DBNL: variants seen among roughly 807,000 people sequenced by gnomAD.
DBNL encodes the protein drebrin-like protein.
DBNL carries 35 observed loss-of-function variants against 62.2 expected under a neutral mutation model. The observed-to-expected ratio is 0.56, with a 90% CI of 0.43 to 0.75. DBNL has a LOEUF of 0.75. Ranked by LOEUF, DBNL falls within the 30% of genes least tolerant of loss-of-function variation. The pLI is 0.00. For synonymous variants in DBNL, 197 were observed against 218.0 expected (o/e 0.90, Z 0.85); for missense variants, 495 against 578.4 (o/e 0.86, Z 1.48).
rs138954968 is a variant in DBNL, at chr7:44,064,942, C to T, written c.*4026C>T. 21 of 1,609,662 alleles carry T rather than the reference C, an allele frequency of 1.3e-5. No homozygotes were observed. The highest frequency in any genetic ancestry group is 1.6e-4 in the Middle Eastern group (1 of 6,070). On this transcript the variant is annotated 3_prime_UTR_variant, in exon 13 of 13. Transcript: ENST00000448521. ...CTCCTCGTTCCAGAAGGGCAGGGCCCGGGCAATGGTGTCCTTGAGGCTCTC... is the reference window on the plus strand; with the variant it reads ...CTCCTCGTTCCAGAAGGGCAGGGCCTGGGCAATGGTGTCCTTGAGGCTCTC...
chr7:44,059,725 GC>G lies in DBNL; in HGVS notation c.1047+69del. On this transcript the variant is annotated intron_variant, in intron 11 of 12. Coordinates refer to ENST00000448521, the MANE Select transcript of DBNL (RefSeq NM_001014436.3). This position sits in a 1 kb window ranked among gnomAD's most constrained non-coding sequence, Gnocchi z 4.1. ...TACTCAGGAACACTTATCACGGGCC[GC>G]CTGAGTTTTCTGGGGGCATGCAACA... 1 of 1,435,198 alleles carries G rather than the reference GC, an allele frequency of 7.0e-7. No individual in the cohort carries two copies. Among genetic ancestry groups the G allele is most frequent in the South Asian group, 1.3e-5 (1 of 79,030 alleles). 88.9% of individuals were successfully genotyped at this position (1,435,198 alleles called of 1,614,324 possible). A position where few individuals can be genotyped will look rare whatever the true frequency, so the allele number is the denominator to read the frequency against.
At chr7:44,053,866 CG>C (rs1355367999) in intron 4 of DBNL, among the ~76,000 whole-genome samples, 2 of 151,758 alleles carry the variant, frequency 1.3e-5, no homozygotes, top group Non-Finnish European at 2.9e-5. Context: ...TTAGTAGAGA[CG>C]GGGTTTCACT....
intron 4 of DBNL, among the ~76,000 whole-genome samples, chr7:44,053,241 A>T (rs2128791512): frequency 6.6e-6 from 1 of 152,232 alleles, no homozygotes; most frequent in East Asian, 1.9e-4. Flanking sequence ...TTGTTTTATG[A>T]TCCCTCTAAA....
chr7:44,050,469 T>A, intron 2 of DBNL, 189 bp downstream of exon 2: 1 of 543,274 alleles, frequency 1.8e-6, no homozygotes, highest in Non-Finnish European at 3.4e-6. Context: ...TCCTTCCCTC[T>A]GGGTGCAGGG....
chr7:44,047,688 T>C (rs181069420), intron 1 of DBNL, among the ~76,000 whole-genome samples: 684 of 152,320 alleles, frequency 4.5e-3, no homozygotes, highest in Non-Finnish European at 7.7e-3. Context: ...AATTATAAGA[T>C]GCTTGACACT....
chr7:44,065,298 A>T lies in DBNL; in HGVS notation c.*4382A>T. 1 of 1,613,682 alleles carries T rather than the reference A, an allele frequency of 6.2e-7. No homozygotes were observed. ...CGCCAAGTGCGCACCACAGGCAGCC[A>T]CATCTGGTCCGTGCCGTCCAGGATG... On this transcript the variant is annotated 3_prime_UTR_variant, in exon 13 of 13. Coordinates refer to ENST00000448521, the MANE Select transcript of DBNL (RefSeq NM_001014436.3).
chr7:44,060,136 T>C lies in DBNL; in HGVS notation c.1136T>C (p.Leu379Pro). The C allele has an allele frequency of 1.9e-6, 3 of 1,611,660 alleles. No individual in the cohort carries two copies. Among genetic ancestry groups the C allele is most frequent in the Non-Finnish European group, 2.5e-6 (3 of 1,178,394 alleles). Residue 379 changes from leucine to proline, a missense_variant, in exon 12 of 13, where the codon CTG (leucine) becomes CCG (proline). Physicochemically the swap from Leu to Pro is moderately conservative, Grantham distance 98. Transcript: ENST00000448521. The surrounding 1 kb of genome is among the most constrained non-coding windows in gnomAD (Gnocchi z 6.3). ...GGGCAAGGGCTCTGTGCCCGTGCCC[T>C]GTACGACTACCAGGCAGGTAAGGTG... ...LSGQGLCARALYDYQAADDTE... is the reference protein window; with the variant it reads ...LSGQGLCARAPYDYQAADDTE...
chr7:44,056,574 G>A (rs1313224573), intron 4 of DBNL, among the ~76,000 whole-genome samples, 183 bp from the exon 5 acceptor site: 2 of 152,132 alleles, frequency 1.3e-5, no homozygotes, highest in East Asian at 1.9e-4. Context: ...GCTCCAAGTT[G>A]GTTTGTTTGA....
At chr7:44,049,573 G>A (rs921288746) in intron 1 of DBNL, among the ~76,000 whole-genome samples, 6 of 152,224 alleles carry the variant, frequency 3.9e-5, no homozygotes, top group Non-Finnish European at 7.3e-5. Flanking sequence ...GTACCTGTCC[G>A]TGAGGGGCTT....
chr7:44,047,890 T>C (rs1317592250), intron 1 of DBNL, among the ~76,000 whole-genome samples: 1 of 150,650 alleles, frequency 6.6e-6, no homozygotes, highest in Non-Finnish European at 1.5e-5. Flanking sequence ...TTGGCTCTTA[T>C]TATATTAGCT....
In DBNL at chr7:44,059,335, T is replaced by C. The variant is rs375983469; in HGVS notation, c.836-19T>C. ...GGTGGTGTTTCTGAAGTGATGTATA[T>C]ATTTACCCGGGTTTGCAGGCAAGCT... On this transcript the variant is annotated intron_variant, in intron 9 of 12. Transcript: ENST00000448521. This position sits in a 1 kb window ranked among gnomAD's most constrained non-coding sequence, Gnocchi z 4.1. The C allele has an allele frequency of 1.2e-6, 2 of 1,613,076 alleles. No homozygotes were observed. Among genetic ancestry groups the C allele is most frequent in the Non-Finnish European group, 1.7e-6 (2 of 1,179,566 alleles).
Position 44,057,781 on chromosome 7 carries a change from G to C in DBNL, c.475-1G>C. The C allele has an allele frequency of 6.2e-7, 1 of 1,614,188 alleles. No homozygotes were observed. The highest frequency in any genetic ancestry group is 8.5e-7 in the Non-Finnish European group (1 of 1,180,022). On this transcript the variant is annotated splice_acceptor_variant, in intron 5 of 12. Coordinates refer to ENST00000448521, the MANE Select transcript of DBNL (RefSeq NM_001014436.3). LOFTEE classifies it high-confidence loss of function. ...TCTCTAATGAGTGCTGTCCCCTACA[G>C]GGCTCTGTGTACCAGAAGACCAATG... is the stretch of plus-strand genomic sequence containing the variant.
rs1586002736 is a variant in DBNL at position 44,065,825 on chromosome 7, C to T, written c.*4909C>T. ...GCCCAGACTGAGTGGGGCTGCTGGT[C>T]AGGGATGGGCGTGAAGGGCAGAAGT... On this transcript the variant is annotated 3_prime_UTR_variant, in exon 13 of 13. Transcript: ENST00000448521. 2 of 520,018 alleles carry T rather than the reference C, an allele frequency of 3.8e-6. No individual in the cohort carries two copies. Among genetic ancestry groups the T allele is most frequent in the East Asian group, 7.1e-5 (2 of 28,234 alleles). The allele number at this position is 520,018 out of a possible 1,614,324, so 32.2% of individuals were successfully genotyped here. A position where few individuals can be genotyped will look rare whatever the true frequency, so the allele number is the denominator to read the frequency against.
chr7:44,061,081 A>G lies in DBNL; in HGVS notation c.*165A>G. The G allele has an allele frequency of 1.2e-6, 1 of 854,200 alleles. No homozygotes were observed. Among genetic ancestry groups the G allele is most frequent in the Non-Finnish European group, 1.8e-6 (1 of 571,398 alleles). 52.9% of individuals were successfully genotyped at this position (854,200 alleles called of 1,614,324 possible). On this transcript the variant is annotated 3_prime_UTR_variant, in exon 13 of 13. Transcript: ENST00000448521. ...TGGCAGACTCAGCCTGTCACCCCAA[A>G]TGCAGCAATGGCCTGGTGATTCCCA...
At chr7:44,054,494 A>G (rs2096132464) in intron 4 of DBNL, among the ~76,000 whole-genome samples, 1 of 152,190 alleles carries the variant, frequency 6.6e-6, no homozygotes, top group African/African-American at 2.4e-5. Flanking sequence ...CACCTGGCCC[A>G]GAGTTTTTAT....
intron 5 of DBNL, 50 bp from the exon 6 acceptor site, chr7:44,057,732 C>T: frequency 6.2e-7 from 1 of 1,607,906 alleles, no homozygotes; most frequent in Non-Finnish European, 8.5e-7. Flanking sequence ...TGCCTGTGGG[C>T]CTGGCCTTCC....
In DBNL at chr7:44,065,076, C is replaced by T; in HGVS notation, c.*4160C>T. ...GTGGGCCCCCACCCGACTCCCCACT[C>T]TGCAGCTTCCCAGAGGCCTTCCCAG... is the stretch of plus-strand genomic sequence containing the variant. On this transcript the variant is annotated 3_prime_UTR_variant, in exon 13 of 13. Transcript: ENST00000448521. 1 of 1,612,254 alleles carries T rather than the reference C, an allele frequency of 6.2e-7. No individual in the cohort carries two copies. Among genetic ancestry groups the T allele is most frequent in the South Asian group, 1.1e-5 (1 of 91,076 alleles).
rs2096137622 is a variant in DBNL, at chr7:44,056,984, C to T, written c.474+81C>T. On this transcript the variant is annotated intron_variant, in intron 5 of 12. Transcript: ENST00000448521. The stretch of plus-strand genomic sequence containing the variant: ...GGCCAGGAATATGCACTTCCCAGCA[C>T]CCGGGCTGGCTGGGCCCATGCCTGC... The T allele has an allele frequency of 2.5e-6, 4 of 1,585,114 alleles. No individual in the cohort carries two copies. In the South Asian group the frequency reaches 3.4e-5, roughly 13 times the overall value.
chr7:44,047,424 C>T (rs765717920), intron 1 of DBNL, among the ~76,000 whole-genome samples: 8 of 152,208 alleles, frequency 5.3e-5, no homozygotes, highest in Non-Finnish European at 1.2e-4. Context: ...GCAACCATGA[C>T]ATCAGCTCTC....
Sources: allele counts gnomAD v4.1 joint callset (sites outside exome capture counted in the v4.1 genomes callset), GRCh38; gene constraint gnomAD v4.1.1; non-coding constraint Gnocchi (gnomAD v3.1); transcripts MANE v1.5; gene names NCBI Gene and HGNC (gene_info 2026-07-23, HGNC 2026-07-21).